IGSF10: variants seen among roughly 807,000 people sequenced by gnomAD.
IGSF10 encodes the protein immunoglobulin superfamily member 10.
In IGSF10, 126 loss-of-function variants were observed where a neutral mutation model predicts 128.2. The ratio of observed to expected loss-of-function variants is 0.98; its 90% CI spans 0.85 to 1.14. The LOEUF is 1.14. Ranked by LOEUF, IGSF10 falls within the 50% of genes most tolerant of loss-of-function variation. IGSF10 has a pLI of 0.00. For missense variants in IGSF10, 3,295 were observed against 3,149.8 expected (o/e 1.05, Z -1.10); for synonymous variants, 1,185 against 1,146.2 (o/e 1.03, Z -0.68).
the IGSF10 span, among the ~76,000 whole-genome samples, chr3:151,493,156 G>T: frequency 6.6e-6 from 1 of 152,120 alleles, no homozygotes; most frequent in Non-Finnish European, 1.5e-5. Context: ...GTTACTAGGG[G>T]TGAGGGTAGG....
At chr3:151,540,004 C>A in the IGSF10 span, among the ~76,000 whole-genome samples, 2,406 of 152,136 alleles carry the variant, frequency 0.016, 28 homozygotes, top group Non-Finnish European at 0.027. Flanking sequence ...GTTTTTCATC[C>A]CCTTAGCTGG....
the IGSF10 span, among the ~76,000 whole-genome samples, chr3:151,467,064 G>A: frequency 3.9e-5 from 6 of 152,096 alleles, no homozygotes; most frequent in African/African-American, 1.4e-4. Context: ...AAGACTAAAT[G>A]AATCAAAAAT....
chr3:151,448,240 T>C lies in IGSF10; in HGVS notation c.1741A>G (p.Ile581Val). ...PLVEAYQENG[I>V]HHTVFIGETL... ...TCACCAATGAAAACTGTGTGATGAA[T>C]CCCATTTTCCTGATAGGCTTCGACC... Residue 581 changes from isoleucine (I) to valine (V), a missense_variant, in exon 6 of 8, where the codon ATT becomes GTT. Transcript: ENST00000282466. The C allele has an allele frequency of 1.9e-6, 3 of 1,614,176 alleles. No individual in the cohort carries two copies. The highest frequency in any genetic ancestry group is 2.5e-6 in the Non-Finnish European group (3 of 1,179,996).
chr3:151,468,968 A>G, the IGSF10 span, among the ~76,000 whole-genome samples: 2 of 152,172 alleles, frequency 1.3e-5, no homozygotes, highest in Non-Finnish European at 2.9e-5. Flanking sequence ...GCTCCCACTT[A>G]TAAATGAGAA....
chr3:151,460,260 C>A lies in IGSF10; in HGVS notation c.-2+1G>T. On this transcript the variant is annotated splice_donor_variant, in intron 2 of 7. Coordinates refer to ENST00000282466, the MANE Select transcript of IGSF10 (RefSeq NM_178822.5). LOFTEE classifies it low-confidence loss of function (5UTR_SPLICE). ...CATAATGAAATAGGAATTGGCAATACCTGAGCTCTTCTTTCAGGTCCTGAG... is the reference window on the plus strand; with the variant it reads ...CATAATGAAATAGGAATTGGCAATAACTGAGCTCTTCTTTCAGGTCCTGAG... 2.1e-6 allele frequency: 2 copies of A among 936,432 alleles called. No individual in the cohort carries two copies. The highest frequency in any genetic ancestry group is 2.5e-6 in the Non-Finnish European group (2 of 785,352). 58.0% of individuals were successfully genotyped at this position (936,432 alleles called of 1,614,324 possible). A position where few individuals can be genotyped will look rare whatever the true frequency, so the allele number is the denominator to read the frequency against.
chr3:151,619,567 A>G, the IGSF10 span, among the ~76,000 whole-genome samples: 11 of 151,862 alleles, frequency 7.2e-5, no homozygotes, highest in South Asian at 2.3e-3. Flanking sequence ...TATTTTTTCC[A>G]GTTTTTAATA....
intron 7 of IGSF10, among the ~76,000 whole-genome samples, chr3:151,438,867 G>T (rs768897348): frequency 0.014 from 2,119 of 149,748 alleles, 28 homozygotes; most frequent in African/African-American, 0.037. Flanking sequence ...TATATATATA[G>T]AGAGAGAGAA....
chr3:151,579,233 T>A, the IGSF10 span, among the ~76,000 whole-genome samples: 1 of 152,078 alleles, frequency 6.6e-6, no homozygotes, highest in African/African-American at 2.4e-5. Context: ...AAATGTGTAG[T>A]ATAAAAGGAG....
At chr3:151,472,010 T>A in the IGSF10 span, among the ~76,000 whole-genome samples, 1 of 152,198 alleles carries the variant, frequency 6.6e-6, no homozygotes. Context: ...TGGTGCTTCC[T>A]GAGTCTTTGA....
chr3:151,505,356 C>T, the IGSF10 span, among the ~76,000 whole-genome samples: 3 of 151,952 alleles, frequency 2.0e-5, no homozygotes, highest in East Asian at 1.9e-4. Context: ...CTTACTATCA[C>T]GAGAATAGAA....
At chr3:151,441,858 A>T (rs148243882) in intron 7 of IGSF10, among the ~76,000 whole-genome samples, 7 of 152,090 alleles carry the variant, frequency 4.6e-5, no homozygotes, top group African/African-American at 1.4e-4. Flanking sequence ...TCAGGAGATC[A>T]AGACCATCCT....
At chr3:151,433,029 T>C (rs1719706411), downstream of IGSF10, 3 of 491,118 alleles carry the variant, frequency 6.1e-6, no homozygotes. Context: ...GGTTTACAAA[T>C]GTGAATCATG....
the IGSF10 span, among the ~76,000 whole-genome samples, chr3:151,558,011 T>TATTATATATATATATTATATATA: frequency 3.8e-5 from 1 of 25,990 alleles, no homozygotes; most frequent in African/African-American, 2.2e-4. Context: ...ATATAATATA[T>TATTATATATATATATTATATATA]ATATATAATA....
chr3:151,568,103 G>A, the IGSF10 span, among the ~76,000 whole-genome samples: 2 of 152,130 alleles, frequency 1.3e-5, no homozygotes, highest in East Asian at 1.9e-4. Context: ...GTTCTGGTAG[G>A]TGGTCCTCTC....
chr3:151,508,904 G>T, the IGSF10 span, among the ~76,000 whole-genome samples: 1 of 152,122 alleles, frequency 6.6e-6, no homozygotes, highest in African/African-American at 2.4e-5. Flanking sequence ...CTGAGTTTAT[G>T]CTATCAATTA....
At chr3:151,556,677 T>G in the IGSF10 span, among the ~76,000 whole-genome samples, 1 of 152,060 alleles carries the variant, frequency 6.6e-6, no homozygotes, top group Admixed American at 6.6e-5. Context: ...GTAAGAAGAA[T>G]GCTGACACAA....
the IGSF10 span, among the ~76,000 whole-genome samples, chr3:151,473,522 A>C: frequency 3.9e-5 from 6 of 152,228 alleles, no homozygotes; most frequent in Non-Finnish European, 8.8e-5. Flanking sequence ...GGAATTACCT[A>C]TGTTGGTACA....
chr3:151,594,735 C>T, the IGSF10 span, among the ~76,000 whole-genome samples: 1 of 149,274 alleles, frequency 6.7e-6, no homozygotes, highest in Admixed American at 6.7e-5. Context: ...TAGTTAACAA[C>T]AATATATTGA....
chr3:151,474,564 C>T, the IGSF10 span, among the ~76,000 whole-genome samples: 746 of 152,336 alleles, frequency 4.9e-3, 7 homozygotes, highest in African/African-American at 0.017. Context: ...GTCGCTCTCA[C>T]ACTCCAAATG....
Sources: gnomAD v4.1 joint callset for allele counts (sites outside exome capture counted in the v4.1 genomes callset) on GRCh38, gnomAD v4.1.1 for gene constraint, MANE v1.5 for transcripts, NCBI Gene and HGNC (gene_info 2026-07-23, HGNC 2026-07-21) for gene names.